The following KIAA1217 variants were observed in gnomAD, a reference collection of about 807,000 sequenced individuals.
KIAA1217 encodes the protein KIAA1217.
A neutral mutation model predicts 163.9 loss-of-function variants in KIAA1217; 88 were observed. The observed-to-expected ratio is 0.54, with a 90% CI of 0.45 to 0.64. The LOEUF (loss-of-function observed/expected upper bound fraction) is 0.64. KIAA1217 is among the 30% of genes least tolerant of loss of function. The probability of loss-of-function intolerance (pLI) is 0.00; values close to 1 mark genes in which losing one functional copy is unlikely to be tolerated. For synonymous variants in KIAA1217, 903 were observed against 923.1 expected, an observed-to-expected ratio of 0.98 and a Z score of 0.39; for missense variants, 2,372 against 2,475.0, an observed-to-expected ratio of 0.96 and a Z score of 0.88.
At chr10:23,926,585 C>T (rs533771780) in intron 1 of KIAA1217, among the ~76,000 whole-genome samples, 7 of 152,010 alleles carry the variant, frequency 4.6e-5, no homozygotes, top group Admixed American at 3.9e-4. Flanking sequence ...ATTAGCTGGG[C>T]GTGGTGGCAG....
At chr10:23,715,100 T>C (rs1837487274) in intron 1 of KIAA1217, among the ~76,000 whole-genome samples, 1 of 152,192 alleles carries the variant, frequency 6.6e-6, no homozygotes, top group African/African-American at 2.4e-5. Flanking sequence ...GCAGAAATAT[T>C]AGAGGCACTC....
intron 2 of KIAA1217, among the ~76,000 whole-genome samples, chr10:24,147,086 C>T (rs2131847917): frequency 6.6e-6 from 1 of 151,194 alleles, no homozygotes; most frequent in South Asian, 2.1e-4. Context: ...GGTGAGGCCC[C>T]AGGATTTGCA....
chr10:23,967,136 GCAA>G (rs1845097130), intron 1 of KIAA1217, among the ~76,000 whole-genome samples: 1 of 151,890 alleles, frequency 6.6e-6, no homozygotes, highest in Non-Finnish European at 1.5e-5. Context: ...AAAACAAATG[GCAA>G]AATTGTTAGA....
At chr10:23,712,899 G>A (rs1194111492) in intron 1 of KIAA1217, among the ~76,000 whole-genome samples, 4 of 152,080 alleles carry the variant, frequency 2.6e-5, no homozygotes, top group African/African-American at 9.7e-5. Context: ...CCTCTTTTCA[G>A]TTTTAATTGC....
intron 2 of KIAA1217, among the ~76,000 whole-genome samples, chr10:24,194,315 TC>T (rs2066877687): frequency 3.4e-5 from 1 of 29,520 alleles, no homozygotes; most frequent in Non-Finnish European, 6.2e-5. Flanking sequence ...TCCCCTCCTC[TC>T]CCCTCTCCTC....
intron 2 of KIAA1217, among the ~76,000 whole-genome samples, chr10:24,272,937 G>A (rs2076911760): frequency 6.6e-6 from 1 of 152,162 alleles, no homozygotes; most frequent in Non-Finnish European, 1.5e-5. Context: ...TCTGGTCCTT[G>A]CACTCTGAGA....
chr10:23,930,122 A>G (rs1156627594), intron 1 of KIAA1217, among the ~76,000 whole-genome samples: 1 of 151,268 alleles, frequency 6.6e-6, no homozygotes, highest in Non-Finnish European at 1.5e-5. Context: ...TTTAATTTGC[A>G]TTGTTCTGAT....
At chr10:23,968,157 T>C (rs1288200433) in intron 1 of KIAA1217, among the ~76,000 whole-genome samples, 1 of 152,166 alleles carries the variant, frequency 6.6e-6, no homozygotes, top group Non-Finnish European at 1.5e-5. Context: ...TGTGTGTGTG[T>C]GTATATTTAT....
chr10:23,858,975 T>C (rs1479415612), intron 1 of KIAA1217, among the ~76,000 whole-genome samples: 3 of 152,186 alleles, frequency 2.0e-5, no homozygotes, highest in Non-Finnish European at 2.9e-5. Context: ...GTTTAGAGTT[T>C]CAGAAGATAA....
chr10:24,243,840 C>A (rs1458990559), intron 2 of KIAA1217, among the ~76,000 whole-genome samples: 1 of 151,636 alleles, frequency 6.6e-6, no homozygotes, highest in African/African-American at 2.4e-5. Context: ...ACATATAGAT[C>A]CTGTTTTAGA....
chr10:24,475,998 C>CA (rs1281236980), intron 6 of KIAA1217, among the ~76,000 whole-genome samples: 3 of 152,140 alleles, frequency 2.0e-5, no homozygotes, highest in Non-Finnish European at 4.4e-5. Flanking sequence ...TCCTACCTCC[C>CA]ACACTGACCT....
At chr10:24,125,432 T>G (rs950872392) in intron 2 of KIAA1217, among the ~76,000 whole-genome samples, 2 of 152,028 alleles carry the variant, frequency 1.3e-5, no homozygotes, top group Non-Finnish European at 1.5e-5. Flanking sequence ...TTGCTTCTCA[T>G]GTAATTGTAA....
At chr10:24,282,668 T>A (rs779329079) in intron 2 of KIAA1217, among the ~76,000 whole-genome samples, 1 of 152,060 alleles carries the variant, frequency 6.6e-6, no homozygotes, top group Non-Finnish European at 1.5e-5. Context: ...GGTTTGTGGG[T>A]TCTTTGTTTT....
intron 1 of KIAA1217, among the ~76,000 whole-genome samples, chr10:24,210,957 A>G (rs997486241): frequency 2.0e-5 from 3 of 151,332 alleles, no homozygotes; most frequent in African/African-American, 4.9e-5. Context: ...TTTTTTTAGT[A>G]TAAGTATATC....
chr10:24,470,122 C>T (rs996663209), intron 5 of KIAA1217, among the ~76,000 whole-genome samples: 3 of 152,122 alleles, frequency 2.0e-5, no homozygotes, highest in Admixed American at 6.6e-5. Flanking sequence ...CCCACATATC[C>T]GCTGCTCGCT....
At chr10:24,061,332 T>C (rs1468937754) in intron 2 of KIAA1217, among the ~76,000 whole-genome samples, 1 of 152,216 alleles carries the variant, frequency 6.6e-6, no homozygotes, top group African/African-American at 2.4e-5. Context: ...TTTTTATCTA[T>C]TTATATTGTA....
At position 24,526,950 on chromosome 10, in the gene KIAA1217, A is replaced by G. The variant is rs371778063; in HGVS notation, c.2899-986A>G. Among the ~76,000 whole-genome samples, 23 of 152,302 alleles carry G rather than the reference A, an allele frequency of 1.5e-4. No homozygotes were observed. In the South Asian group the frequency reaches 3.1e-3, roughly 21 times the overall value. ...CTCAAAGTTCCCATATGTTGATTCAATGATCTTTGCCAATTCTTAGGTTAT... is the reference window on the plus strand; with the variant it reads ...CTCAAAGTTCCCATATGTTGATTCAGTGATCTTTGCCAATTCTTAGGTTAT... On this transcript the variant is annotated intron_variant, in intron 13 of 20. Transcript: ENST00000376454.
At chr10:23,949,698 G>C (rs929539700) in intron 1 of KIAA1217, among the ~76,000 whole-genome samples, 3 of 152,090 alleles carry the variant, frequency 2.0e-5, no homozygotes, top group Non-Finnish European at 2.9e-5. Flanking sequence ...GATAATGCAA[G>C]TACTGTGAAT....
intron 1 of KIAA1217, among the ~76,000 whole-genome samples, chr10:23,897,607 G>A (rs932127665): frequency 2.6e-5 from 4 of 152,018 alleles, no homozygotes; most frequent in Non-Finnish European, 5.9e-5. Flanking sequence ...TGTATTGAAT[G>A]TGCTCTTATA....
Sources: gnomAD v4.1 joint callset for allele counts (sites outside exome capture counted in the v4.1 genomes callset) on GRCh38, gnomAD v4.1.1 for gene constraint, MANE v1.5 for transcripts, NCBI Gene and HGNC (gene_info 2026-07-23, HGNC 2026-07-21) for gene names.